The following BBX variants were observed in gnomAD, a reference collection of about 807,000 sequenced individuals.
BBX encodes the protein BBX high mobility group box domain containing.
A neutral mutation model predicts 100.2 loss-of-function variants in BBX; 30 were observed. The ratio of observed to expected loss-of-function variants is 0.30; its 90% CI spans 0.22 to 0.41. The LOEUF is 0.41. Among genes scored for constraint, BBX ranks in the 10% least tolerant of loss-of-function variants. The pLI, the probability that BBX is intolerant of heterozygous loss-of-function variation, is 1.00. For synonymous variants in BBX, 376 were observed against 388.1 expected, an observed-to-expected ratio of 0.97 and a Z score of 0.37; for missense variants, 1,023 against 1,129.8, an observed-to-expected ratio of 0.91 and a Z score of 1.35.
chr3:107,622,769 C>G (rs2055875456), intron 2 of BBX, among the ~76,000 whole-genome samples: 1 of 152,094 alleles, frequency 6.6e-6, no homozygotes, highest in Non-Finnish European at 1.5e-5. Context: ...TTATGAGACT[C>G]TGGGTCTTTT....
intron 2 of BBX, among the ~76,000 whole-genome samples, chr3:107,618,866 T>C (rs1487555398): frequency 6.6e-6 from 1 of 152,104 alleles, no homozygotes; most frequent in Non-Finnish European, 1.5e-5. Flanking sequence ...AAAGAATGTG[T>C]ATTCTGCTGT....
At chr3:107,683,638 T>C (rs2059683902) in intron 3 of BBX, among the ~76,000 whole-genome samples, 1 of 152,206 alleles carries the variant, frequency 6.6e-6, no homozygotes. Flanking sequence ...TTTTAGAAGC[T>C]AAGTTATCAG....
At chr3:107,716,450 A>G in intron 4 of BBX, 157 bp from the exon 5 acceptor site, 1 of 863,370 alleles carries the variant, frequency 1.2e-6, no homozygotes. Context: ...CCAACCATGA[A>G]CAGTGGTTGT....
At chr3:107,563,649 TG>T (rs1458485108) in intron 2 of BBX, among the ~76,000 whole-genome samples, 1 of 152,238 alleles carries the variant, frequency 6.6e-6, no homozygotes, top group Non-Finnish European at 1.5e-5. Flanking sequence ...GTTTCATTTT[TG>T]TACTAATTTC....
At chr3:107,528,817 A>G (rs1273384237) in intron 2 of BBX, among the ~76,000 whole-genome samples, 1 of 152,240 alleles carries the variant, frequency 6.6e-6, no homozygotes, top group African/African-American at 2.4e-5. Flanking sequence ...AAATATTTAT[A>G]AAGCCACACT....
At chr3:107,737,899 T>TTTTTTG (rs1560069987) in intron 7 of BBX, among the ~76,000 whole-genome samples, 6 of 141,822 alleles carry the variant, frequency 4.2e-5, no homozygotes, top group African/African-American at 1.6e-4. Flanking sequence ...TTTTTTTTTT[T>TTTTTTG]TTTTTTTTTT....
chr3:107,689,942 G>T (rs2060056565), intron 3 of BBX, among the ~76,000 whole-genome samples: 1 of 151,970 alleles, frequency 6.6e-6, no homozygotes, highest in Non-Finnish European at 1.5e-5. Flanking sequence ...CTCTCAAATG[G>T]GCATAATTTT....
At chr3:107,620,286 C>T (rs980860512) in intron 2 of BBX, among the ~76,000 whole-genome samples, 1 of 152,100 alleles carries the variant, frequency 6.6e-6, no homozygotes, top group Admixed American at 6.5e-5. Flanking sequence ...TTTATGTTTT[C>T]ATTTGTTTCA....
intron 3 of BBX, among the ~76,000 whole-genome samples, chr3:107,700,408 CATCATCATTATTATT>C (rs1164284784): frequency 1.0e-4 from 3 of 29,430 alleles, no homozygotes; most frequent in African/African-American, 2.0e-4. Context: ...TATTTTCTTT[CATCATCATTATTATT>C]ATTATTATTA....
intron 6 of BBX, among the ~76,000 whole-genome samples, chr3:107,732,529 A>C (rs1048377284): frequency 3.3e-4 from 51 of 152,320 alleles, no homozygotes; most frequent in African/African-American, 1.2e-3. Context: ...CTGATAGCCT[A>C]TTATTTTAAA....
chr3:107,715,570 C>T (rs543906432), intron 4 of BBX, among the ~76,000 whole-genome samples: 1 of 152,316 alleles, frequency 6.6e-6, no homozygotes, highest in Admixed American at 6.5e-5. Flanking sequence ...TTTATAGTTA[C>T]ATTGTTTCTA....
intron 2 of BBX, among the ~76,000 whole-genome samples, chr3:107,589,760 T>G (rs943523222): frequency 2.0e-5 from 3 of 152,168 alleles, no homozygotes; most frequent in African/African-American, 7.2e-5. Context: ...AGTCAGAATT[T>G]CTCCATGCCT....
At chr3:107,723,257 A>C (rs1233292005) in intron 5 of BBX, among the ~76,000 whole-genome samples, 3 of 152,020 alleles carry the variant, frequency 2.0e-5, no homozygotes, top group Non-Finnish European at 4.4e-5. Context: ...GTGGACTTTT[A>C]GATAGCACCT....
At chr3:107,719,323 G>C (rs948727574) in intron 5 of BBX, among the ~76,000 whole-genome samples, 3 of 152,022 alleles carry the variant, frequency 2.0e-5, no homozygotes, top group Non-Finnish European at 4.4e-5. Context: ...GTATTTGCCA[G>C]TATCTGTCCT....
intron 2 of BBX, among the ~76,000 whole-genome samples, chr3:107,579,803 A>G (rs1010079795): frequency 6.6e-6 from 1 of 152,128 alleles, no homozygotes; most frequent in Non-Finnish European, 1.5e-5. Flanking sequence ...CTTTTTTACC[A>G]TATCGGTCTT....
intron 10 of BBX, among the ~76,000 whole-genome samples, chr3:107,768,235 C>A (rs1232169378): frequency 6.6e-6 from 1 of 152,150 alleles, no homozygotes; most frequent in Admixed American, 6.5e-5. Flanking sequence ...GGTACAAAAG[C>A]CGACCTCATT....
chr3:107,627,960 A>G (rs1047875251), intron 2 of BBX, among the ~76,000 whole-genome samples: 3 of 152,052 alleles, frequency 2.0e-5, no homozygotes, highest in African/African-American at 7.2e-5. Context: ...AGGGAACTAT[A>G]ATACTGGAAA....
intron 2 of BBX, among the ~76,000 whole-genome samples, chr3:107,615,094 G>A (rs2055150972): frequency 6.6e-6 from 1 of 152,172 alleles, no homozygotes; most frequent in Admixed American, 6.5e-5. Flanking sequence ...ATGCTTTTGA[G>A]GAGGGGACAA....
At chr3:107,701,317 C>T (rs1448298713) in intron 3 of BBX, among the ~76,000 whole-genome samples, 1 of 152,148 alleles carries the variant, frequency 6.6e-6, no homozygotes, top group Admixed American at 6.5e-5. Context: ...TTCCTGGTCC[C>T]ATCATGTGCT....
Sources: gnomAD v4.1 joint callset for allele counts (sites outside exome capture counted in the v4.1 genomes callset) on GRCh38, gnomAD v4.1.1 for gene constraint, MANE v1.5 for transcripts, NCBI Gene and HGNC (gene_info 2026-07-23, HGNC 2026-07-21) for gene names.